Variants in RALYL observed in about 807,000 individuals in gnomAD.
The protein encoded by RALYL is RALY RNA binding protein like, also known as RNA-binding Raly-like protein.
In RALYL, 29 loss-of-function variants were observed where a neutral mutation model predicts 35.1. The observed-to-expected ratio is 0.83, with a 90% CI of 0.61 to 1.13. RALYL has a LOEUF of 1.13. Ranked by LOEUF, RALYL falls within the 50% of genes most tolerant of loss-of-function variation. RALYL has a pLI of 0.00. For missense variants in RALYL, 359 were observed against 360.4 expected, an observed-to-expected ratio of 1.00 and a Z score of 0.03; for synonymous variants, 120 against 127.6, an observed-to-expected ratio of 0.94 and a Z score of 0.40.
At chr8:84,342,543 G>A (rs1053816006) in intron 1 of RALYL, among the ~76,000 whole-genome samples, 2 of 151,588 alleles carry the variant, frequency 1.3e-5, no homozygotes, top group Non-Finnish European at 2.9e-5. Context: ...TGAAGTAGGT[G>A]TTTCTTTCCA....
chr8:84,555,648 A>G (rs2135503755), intron 2 of RALYL, among the ~76,000 whole-genome samples: 1 of 152,348 alleles, frequency 6.6e-6, no homozygotes, highest in Admixed American at 6.5e-5. Context: ...ATTTAATAAT[A>G]CGTTCTAAAG....
At chr8:84,739,491 C>G (rs1847898129) in intron 2 of RALYL, among the ~76,000 whole-genome samples, 1 of 151,788 alleles carries the variant, frequency 6.6e-6, no homozygotes, top group Non-Finnish European at 1.5e-5. Flanking sequence ...ATGGTTCCAC[C>G]TACACCTTGA....
intron 1 of RALYL, among the ~76,000 whole-genome samples, chr8:84,283,229 AC>A (rs1836960596): frequency 6.6e-6 from 1 of 152,082 alleles, no homozygotes; most frequent in African/African-American, 2.4e-5. Context: ...AAAAGAGTTA[AC>A]CTGAGTTTGC....
intron 2 of RALYL, among the ~76,000 whole-genome samples, chr8:84,762,683 C>T (rs1189739294): frequency 6.6e-6 from 1 of 152,100 alleles, no homozygotes; most frequent in African/African-American, 2.4e-5. Flanking sequence ...TTACCTTGTG[C>T]AAATAAGACT....
At chr8:84,606,207 A>C (rs2130814119) in intron 2 of RALYL, among the ~76,000 whole-genome samples, 1 of 152,268 alleles carries the variant, frequency 6.6e-6, no homozygotes, top group South Asian at 2.1e-4. Context: ...TTTCTTTAAA[A>C]AGGTGCCAAT....
intron 2 of RALYL, among the ~76,000 whole-genome samples, chr8:84,664,901 G>A (rs1401315283): frequency 6.6e-6 from 1 of 152,074 alleles, no homozygotes; most frequent in Non-Finnish European, 1.5e-5. Context: ...CTTGTCTTTT[G>A]CCAGTTTTCA....
chr8:84,731,701 T>C (rs1846204674), intron 2 of RALYL, among the ~76,000 whole-genome samples: 2 of 152,148 alleles, frequency 1.3e-5, no homozygotes, highest in African/African-American at 4.8e-5. Context: ...GCCAGGATGA[T>C]GTTTTTAAAA....
At chr8:84,560,731 G>C (rs867402212) in intron 2 of RALYL, among the ~76,000 whole-genome samples, 5 of 151,908 alleles carry the variant, frequency 3.3e-5, no homozygotes, top group Admixed American at 1.3e-4. Flanking sequence ...AGAGGATAAG[G>C]TAGACACGGA....
At chr8:84,419,668 G>A (rs1048491743) in intron 1 of RALYL, among the ~76,000 whole-genome samples, 2 of 148,866 alleles carry the variant, frequency 1.3e-5, no homozygotes, top group African/African-American at 5.0e-5. Context: ...CTAGCATTAG[G>A]TATATCTCCC....
chr8:84,391,307 GT>G (rs1486762952), intron 1 of RALYL, among the ~76,000 whole-genome samples: 1 of 151,984 alleles, frequency 6.6e-6, no homozygotes, highest in African/African-American at 2.4e-5. Flanking sequence ...AATCCCTTCT[GT>G]TAACTATTCT....
At chr8:84,834,628 G>A (rs537950615) in intron 4 of RALYL, among the ~76,000 whole-genome samples, 1 of 152,240 alleles carries the variant, frequency 6.6e-6, no homozygotes, top group East Asian at 1.9e-4. Flanking sequence ...AGCAGGCAAA[G>A]GAGGAAGTCC....
chr8:84,394,294 T>C (rs535449145), intron 1 of RALYL, among the ~76,000 whole-genome samples: 1 of 152,240 alleles, frequency 6.6e-6, no homozygotes, highest in African/African-American at 2.4e-5. Context: ...AAATAACCTA[T>C]ATGTATTGAA....
chr8:84,599,527 A>G (rs189586777), intron 2 of RALYL, among the ~76,000 whole-genome samples: 1 of 152,184 alleles, frequency 6.6e-6, no homozygotes, highest in East Asian at 1.9e-4. Flanking sequence ...TCACTAATTA[A>G]ACATTAGTGA....
intron 4 of RALYL, among the ~76,000 whole-genome samples, chr8:84,848,411 G>C (rs1482938981): frequency 1.4e-5 from 2 of 147,046 alleles, no homozygotes; most frequent in African/African-American, 4.9e-5. Context: ...ATATATATGT[G>C]TGTGTATATA....
intron 1 of RALYL, among the ~76,000 whole-genome samples, chr8:84,435,379 AT>A (rs1015159240): frequency 2.0e-5 from 3 of 152,116 alleles, no homozygotes; most frequent in Non-Finnish European, 4.4e-5. Context: ...CTTGGATGAA[AT>A]TTTTTCTCAA....
chr8:84,822,225 A>G (rs1011505050), intron 4 of RALYL, among the ~76,000 whole-genome samples: 21 of 152,130 alleles, frequency 1.4e-4, no homozygotes, highest in Non-Finnish European at 5.9e-5. Context: ...TTCTCTAGAG[A>G]AGTTATTTTA....
intron 1 of RALYL, among the ~76,000 whole-genome samples, chr8:84,254,482 C>G (rs2131720360): frequency 6.6e-6 from 1 of 152,078 alleles, no homozygotes; most frequent in African/African-American, 2.4e-5. Flanking sequence ...CAGTGAAACC[C>G]TTGTGCCTTT....
intron 1 of RALYL, among the ~76,000 whole-genome samples, chr8:84,282,926 G>C (rs1836888298): frequency 6.6e-6 from 1 of 151,806 alleles, no homozygotes; most frequent in Non-Finnish European, 1.5e-5. Flanking sequence ...TATCTTTCCT[G>C]GTTGGAATAC....
intron 4 of RALYL, among the ~76,000 whole-genome samples, chr8:84,849,155 T>C (rs961361695): frequency 3.3e-5 from 5 of 152,222 alleles, no homozygotes; most frequent in Admixed American, 6.5e-5. Flanking sequence ...CTTTTTAAAA[T>C]ATATTCTTTT....
Sources: allele counts gnomAD v4.1 joint callset (sites outside exome capture counted in the v4.1 genomes callset), GRCh38; gene constraint gnomAD v4.1.1; transcripts MANE v1.5; gene names NCBI Gene and HGNC (gene_info 2026-07-23, HGNC 2026-07-21).